RASGRF2: variants seen among roughly 807,000 people sequenced by gnomAD.
RASGRF2 encodes Ras protein specific guanine nucleotide releasing factor 2, also known as ras-specific guanine nucleotide-releasing factor 2.
RASGRF2 carries 76 observed loss-of-function variants against 151.0 expected under a neutral mutation model. The ratio of observed to expected loss-of-function variants is 0.50; its 90% CI spans 0.42 to 0.61. RASGRF2 has a LOEUF of 0.61. Among genes scored for constraint, RASGRF2 ranks in the 20% least tolerant of loss-of-function variants. The pLI is 0.00. For synonymous variants in RASGRF2, 504 were observed against 566.5 expected (o/e 0.89, Z 1.57); for missense variants, 1,148 against 1,564.6 (o/e 0.73, Z 4.49).
chr5:81,191,073 A>C (rs1003466690), intron 18 of RASGRF2, among the ~76,000 whole-genome samples: 5 of 152,212 alleles, frequency 3.3e-5, no homozygotes, highest in African/African-American at 9.7e-5. Flanking sequence ...TGCAACCCTC[A>C]GCATGGGGAA....
At chr5:81,110,595 A>G (rs1752966839) in intron 13 of RASGRF2, among the ~76,000 whole-genome samples, 1 of 152,206 alleles carries the variant, frequency 6.6e-6, no homozygotes, top group African/African-American at 2.4e-5. Context: ...TGTGAAAATC[A>G]TGACGCTTAT....
chr5:81,106,262 C>T (rs1752843175), intron 12 of RASGRF2, among the ~76,000 whole-genome samples: 1 of 151,936 alleles, frequency 6.6e-6, no homozygotes, highest in Non-Finnish European at 1.5e-5. Flanking sequence ...TTTATTATTC[C>T]TTTCTTCAAA....
intron 1 of RASGRF2, among the ~76,000 whole-genome samples, chr5:80,995,906 T>A (rs1419821801): frequency 2.6e-5 from 4 of 152,088 alleles, no homozygotes; most frequent in African/African-American, 9.7e-5. Context: ...TTGGCCAGGC[T>A]GGTCTCGAAC....
intron 1 of RASGRF2, among the ~76,000 whole-genome samples, chr5:81,026,012 T>C (rs1750011221): frequency 1.3e-5 from 1 of 75,666 alleles, no homozygotes. Context: ...CCTTTCTTCC[T>C]TCCCTCCTTC....
At chr5:81,199,314 A>G (rs1480384579) in intron 18 of RASGRF2, among the ~76,000 whole-genome samples, 3 of 152,246 alleles carry the variant, frequency 2.0e-5, no homozygotes, top group Admixed American at 2.0e-4. Context: ...CTTCTTCAAA[A>G]TTAGATCAAT....
intron 1 of RASGRF2, among the ~76,000 whole-genome samples, chr5:81,008,589 A>G (rs1451722190): frequency 6.6e-6 from 1 of 152,206 alleles, no homozygotes; most frequent in East Asian, 1.9e-4. Context: ...AGATCAGTAT[A>G]TGTGTGTCTA....
intron 16 of RASGRF2, among the ~76,000 whole-genome samples, chr5:81,125,324 G>T (rs1219883255): frequency 6.6e-6 from 1 of 152,168 alleles, no homozygotes; most frequent in Admixed American, 6.5e-5. Flanking sequence ...AGCTCTGAGA[G>T]CAACTAGGAA....
intron 17 of RASGRF2, among the ~76,000 whole-genome samples, chr5:81,173,014 T>C (rs1754693282): frequency 6.6e-6 from 1 of 152,150 alleles, no homozygotes; most frequent in African/African-American, 2.4e-5. Context: ...TCCTTTCTAC[T>C]CCAAGCCAGT....
At chr5:81,055,442 G>T (rs1386929598) in intron 2 of RASGRF2, among the ~76,000 whole-genome samples, 2 of 152,058 alleles carry the variant, frequency 1.3e-5, no homozygotes. Flanking sequence ...TTGATTTTGG[G>T]TATGTTGAAC....
Position 81,055,488 on chromosome 5 carries a change from A to G in RASGRF2, c.395+12505A>G, listed in dbSNP as rs576605368. Among the ~76,000 whole-genome samples the G allele has an allele frequency of 3.9e-3, 589 of 152,232 alleles. 5 individuals are homozygous for G. The highest frequency in any genetic ancestry group is 0.014 in the African/African-American group (572 of 41,516). ...TCCCAGGGATGAAGCCCACTTGATC[A>G]TGGTGGATAAGCTTTTTGATGTGCT... On this transcript the variant is annotated intron_variant, in intron 2 of 26. Coordinates refer to ENST00000265080, the MANE Select transcript of RASGRF2 (RefSeq NM_006909.3).
intron 7 of RASGRF2, 151 bp from the exon 8 acceptor site, chr5:81,085,651 T>C: frequency 7.7e-7 from 1 of 1,298,188 alleles, no homozygotes; most frequent in Non-Finnish European, 1.0e-6. Flanking sequence ...GTGTAGTTCA[T>C]TTTATTTGTA....
At chr5:81,200,563 A>G (rs1264857323) in intron 18 of RASGRF2, among the ~76,000 whole-genome samples, 1 of 152,220 alleles carries the variant, frequency 6.6e-6, no homozygotes, top group Non-Finnish European at 1.5e-5. Flanking sequence ...TAGCCTTAGC[A>G]TATTTTCATT....
intron 18 of RASGRF2, among the ~76,000 whole-genome samples, chr5:81,198,406 G>A (rs543372801): frequency 2.0e-5 from 3 of 152,144 alleles, no homozygotes; most frequent in Admixed American, 6.5e-5. Flanking sequence ...TTAGGATAAT[G>A]GCCTGTATCT....
At chr5:81,053,619 A>G (rs1751095561) in intron 2 of RASGRF2, among the ~76,000 whole-genome samples, 1 of 152,216 alleles carries the variant, frequency 6.6e-6, no homozygotes, top group Non-Finnish European at 1.5e-5. Context: ...AGTATGATTT[A>G]TAATCCTTTG....
At chr5:81,063,316 G>A (rs1468641190) in intron 2 of RASGRF2, among the ~76,000 whole-genome samples, 2 of 151,838 alleles carry the variant, frequency 1.3e-5, no homozygotes, top group Non-Finnish European at 2.9e-5. Context: ...GCGTGATCTC[G>A]GCTCACTGCA....
At chr5:81,143,889 G>GAA (rs5869072) in intron 17 of RASGRF2, among the ~76,000 whole-genome samples, 3 of 126,816 alleles carry the variant, frequency 2.4e-5, no homozygotes, top group Non-Finnish European at 5.0e-5. Context: ...AAATGTCTCA[G>GAA]AAAAAAAAAA....
At chr5:81,004,788 T>C (rs12153055) in intron 1 of RASGRF2, among the ~76,000 whole-genome samples, 50,106 of 152,082 alleles carry the variant, frequency 0.33, 8,604 homozygotes, top group South Asian at 0.41. Context: ...CCAAATGCAG[T>C]GCAGCAAATA....
chr5:81,033,782 G>A (rs946443780), intron 1 of RASGRF2, among the ~76,000 whole-genome samples: 1 of 152,180 alleles, frequency 6.6e-6, no homozygotes, highest in Non-Finnish European at 1.5e-5. Context: ...GGCAACAAAA[G>A]CCAAAATTGA....
chr5:81,033,973 C>T (rs543247336), intron 1 of RASGRF2, among the ~76,000 whole-genome samples: 3 of 152,180 alleles, frequency 2.0e-5, no homozygotes, highest in African/African-American at 7.2e-5. Context: ...ACAACCCCAT[C>T]AACAAGTGGG....
Sources: allele counts gnomAD v4.1 joint callset (sites outside exome capture counted in the v4.1 genomes callset), GRCh38; gene constraint gnomAD v4.1.1; transcripts MANE v1.5; gene names NCBI Gene and HGNC (gene_info 2026-07-23, HGNC 2026-07-21).